Variants in MAPRE2 observed in about 807,000 individuals in gnomAD.
MAPRE2 encodes the protein microtubule-associated protein RP/EB family member 2.
MAPRE2 carries 13 observed loss-of-function variants against 43.2 expected under a neutral mutation model. The ratio of observed to expected loss-of-function variants is 0.30; its 90% CI spans 0.20 to 0.48. The LOEUF is 0.48. Ranked by LOEUF, MAPRE2 falls within the 20% of genes least tolerant of loss-of-function variation. MAPRE2 has a pLI of 0.99. For missense variants in MAPRE2, 161 were observed against 400.2 expected (o/e 0.40, Z 5.10); for synonymous variants, 135 against 148.8 (o/e 0.91, Z 0.68).
At chr18:35,116,739 T>C (rs1016739685) in intron 4 of MAPRE2, among the ~76,000 whole-genome samples, 5 of 152,186 alleles carry the variant, frequency 3.3e-5, no homozygotes, top group Non-Finnish European at 1.5e-5. Context: ...AAGACAGTCA[T>C]GTAGTAACAT....
chr18:35,012,587 A>G (rs1306402990), intron 2 of MAPRE2, among the ~76,000 whole-genome samples: 3 of 152,236 alleles, frequency 2.0e-5, no homozygotes, highest in Admixed American at 2.0e-4. Flanking sequence ...ATTCTGACTC[A>G]TGCTACAACA....
intron 1 of MAPRE2, among the ~76,000 whole-genome samples, chr18:35,058,244 G>A (rs111850374): frequency 6.0e-4 from 91 of 152,242 alleles, no homozygotes; most frequent in African/African-American, 1.7e-3. Context: ...CCACTGGCCT[G>A]TACTTCCCTT....
intron 2 of MAPRE2, among the ~76,000 whole-genome samples, chr18:35,093,083 G>A (rs1029632832): frequency 7.2e-5 from 11 of 151,826 alleles, no homozygotes; most frequent in African/African-American, 2.7e-4. Flanking sequence ...ATGCTGGCGG[G>A]TGCCTGTAGT....
Position 35,132,140 on chromosome 18 carries a change from G to A in MAPRE2, c.859G>A (p.Asp287Asn). ...CTGCCAAGAACACGGGCAGGAAAAT[G>A]ATGACCTCGTGCAGAGACTAATGGA... ...LLCQEHGQEN[D>N]DLVQRLMDIL... is the part of the protein sequence containing the mutation. Residue 287 changes from aspartate (D) to asparagine (N), a missense_variant, in exon 6 of 7, where the codon GAT (aspartate) becomes AAT (asparagine). By Grantham distance (23) the Asp-to-Asn change is conservative. Coordinates refer to ENST00000300249, the MANE Select transcript of MAPRE2 (RefSeq NM_014268.4). 6.2e-7 allele frequency: 1 copy of A among 1,614,226 alleles called. No individual in the cohort carries two copies.
At chr18:35,122,717 C>T (rs921507164) in intron 4 of MAPRE2, among the ~76,000 whole-genome samples, 1 of 152,190 alleles carries the variant, frequency 6.6e-6, no homozygotes, top group Non-Finnish European at 1.5e-5. Flanking sequence ...TGATTTTCAT[C>T]GCCTGCACCT....
At chr18:35,126,013 T>TTA (rs1447994904) in intron 4 of MAPRE2, among the ~76,000 whole-genome samples, 1 of 152,222 alleles carries the variant, frequency 6.6e-6, no homozygotes, top group Non-Finnish European at 1.5e-5. Flanking sequence ...GTGAATCGCT[T>TTA]ATTAGTTACG....
At chr18:35,004,228 C>A (rs1204429890) in intron 1 of MAPRE2, among the ~76,000 whole-genome samples, 1 of 152,084 alleles carries the variant, frequency 6.6e-6, no homozygotes, top group Admixed American at 6.5e-5. Context: ...ATTCTACCAG[C>A]AACATCTCCA....
chr18:34,998,772 ATTTTTTTTTTTT>A (rs67933808), intron 1 of MAPRE2, among the ~76,000 whole-genome samples: 26 of 93,728 alleles, frequency 2.8e-4, no homozygotes, highest in East Asian at 1.5e-3. Context: ...CGAAGTTGCA[ATTTTTTTTTTTT>A]TTTTTTTTTT....
chr18:35,128,898 T>C (rs1335851788), intron 5 of MAPRE2, among the ~76,000 whole-genome samples: 1 of 152,128 alleles, frequency 6.6e-6, no homozygotes, highest in African/African-American at 2.4e-5. Context: ...CCAGCCCCAC[T>C]TCCCCTCCTT....
At chr18:35,002,902 A>T (rs2097030054) in intron 1 of MAPRE2, among the ~76,000 whole-genome samples, 1 of 152,192 alleles carries the variant, frequency 6.6e-6, no homozygotes, top group Non-Finnish European at 1.5e-5. Flanking sequence ...ATTTTGATGA[A>T]GTCCAATTTA....
chr18:34,980,747 T>C (rs1016922238), intron 1 of MAPRE2, among the ~76,000 whole-genome samples: 5 of 152,194 alleles, frequency 3.3e-5, no homozygotes, highest in Non-Finnish European at 7.3e-5. Context: ...CACACTCTAA[T>C]GGGCCAAAAC....
At chr18:34,978,454 C>G in intron 1 of MAPRE2, 1 of 1,475,626 alleles carries the variant, frequency 6.8e-7, no homozygotes, top group Non-Finnish European at 9.3e-7. Flanking sequence ...TGTGGTCAGA[C>G]GCAGCACCTA....
intron 4 of MAPRE2, among the ~76,000 whole-genome samples, 178 bp from the exon 5 acceptor site, chr18:35,126,770 C>T (rs577329768): frequency 3.8e-4 from 58 of 152,136 alleles, no homozygotes; most frequent in African/African-American, 1.0e-3. Context: ...CCAAAACAAC[C>T]GTACTTTAAC....
In MAPRE2 at chr18:35,134,456, T is replaced by C. The variant is rs780412713; in HGVS notation, c.909+2266T>C. The stretch of plus-strand genomic sequence containing the variant: ...TAATTACTTATCTACATTTTACAGA[T>C]GAAATTACTAACCCAATGGCTCATA... On this transcript the variant is annotated intron_variant, in intron 6 of 6. Transcript: ENST00000300249. Among the ~76,000 whole-genome samples the C allele has an allele frequency of 2.6e-5, 4 of 152,340 alleles. No individual in the cohort carries two copies. The Middle Eastern group carries it at 0.01, about 389-fold the overall frequency.
At chr18:35,131,965 G>A in intron 5 of MAPRE2, 67 bp from the exon 6 acceptor site, 5 of 1,482,824 alleles carry the variant, frequency 3.4e-6, no homozygotes, top group South Asian at 1.2e-5. Flanking sequence ...TTATTCACAG[G>A]AATTGCTGGT....
At chr18:35,140,247 C>T (rs745505238) in intron 6 of MAPRE2, 48 bp from the exon 7 acceptor site, 1 of 1,542,708 alleles carries the variant, frequency 6.5e-7, no homozygotes, top group Non-Finnish European at 8.9e-7. Flanking sequence ...GCTGCAGGGC[C>T]CCATTCCCAG....
rs988005284 is a variant in MAPRE2 at position 35,064,467 on chromosome 18, A to C, written c.123-5728A>C. ...GGGGTGGGGCAGGGCAGAGAGACAA[A>C]ATGAATTACATAGGAAATAATTTCA... On this transcript the variant is annotated intron_variant, in intron 1 of 6. Transcript: ENST00000300249. Among the ~76,000 whole-genome samples the C allele has an allele frequency of 1.1e-4, 17 of 152,136 alleles. 1 individual carries two copies. The highest frequency in any genetic ancestry group is 7.4e-5 in the Non-Finnish European group (5 of 68,026).
At chr18:35,026,542 C>T (rs1356438270) in intron 2 of MAPRE2, among the ~76,000 whole-genome samples, 1 of 152,044 alleles carries the variant, frequency 6.6e-6, no homozygotes, top group Non-Finnish European at 1.5e-5. Flanking sequence ...GGCAACCCTC[C>T]CCATGAAAAC....
Position 35,077,622 on chromosome 18 carries a change from A to G in MAPRE2, c.250+7300A>G, listed in dbSNP as rs147712876. On this transcript the variant is annotated intron_variant, in intron 2 of 6. Transcript: ENST00000300249. The stretch of plus-strand genomic sequence containing the variant: ...TCTCTAAAGCCTCATCATTGATTTC[A>G]TTAACTTCAGTGACTGGAGCCCTAA... Among the ~76,000 whole-genome samples the G allele has an allele frequency of 4.5e-3, 688 of 152,300 alleles. 5 individuals are homozygous for G. Among genetic ancestry groups the G allele is most frequent in the African/African-American group, 0.013 (529 of 41,562 alleles).
Sources: allele counts gnomAD v4.1 joint callset (sites outside exome capture counted in the v4.1 genomes callset), GRCh38; gene constraint gnomAD v4.1.1; transcripts MANE v1.5; gene names NCBI Gene and HGNC (gene_info 2026-07-23, HGNC 2026-07-21).